Variants in SHANK2 observed in about 807,000 individuals in gnomAD.
SHANK2 encodes SH3 and multiple ankyrin repeat domains 2.
SHANK2 carries 43 observed loss-of-function variants against 133.7 expected under a neutral mutation model. The ratio of observed to expected loss-of-function variants is 0.32; its 90% CI spans 0.25 to 0.41. The LOEUF is 0.41. Among genes scored for constraint, SHANK2 ranks in the 10% least tolerant of loss-of-function variants. The pLI is 1.00. For missense variants in SHANK2, 1,994 were observed against 2,235.8 expected, an observed-to-expected ratio of 0.89 and a Z score of 2.18; for synonymous variants, 1,017 against 952.8, an observed-to-expected ratio of 1.07 and a Z score of -1.24.
chr11:70,910,916 G>A (rs192717785), intron 10 of SHANK2: 136 of 452,692 alleles, frequency 3.0e-4, no homozygotes, highest in East Asian at 2.2e-3. Flanking sequence ...GTGTGTGTGC[G>A]CGTGCATGTG....
intron 17 of SHANK2, among the ~76,000 whole-genome samples, chr11:70,504,426 C>T (rs1442339228): frequency 1.6e-5 from 2 of 128,932 alleles, no homozygotes; most frequent in African/African-American, 5.1e-5. Context: ...AGAGGTCCTC[C>T]AGGCAGGGCT....
chr11:70,714,969 CTTT>C (rs559854814), intron 14 of SHANK2, among the ~76,000 whole-genome samples: 1 of 142,742 alleles, frequency 7.0e-6, no homozygotes, highest in Admixed American at 7.1e-5. Flanking sequence ...CCACACTTGG[CTTT>C]TTTTTTTTTT....
At chr11:70,913,965 CG>C (rs1165378930) in intron 10 of SHANK2, among the ~76,000 whole-genome samples, 4 of 152,228 alleles carry the variant, frequency 2.6e-5, no homozygotes, top group Non-Finnish European at 5.9e-5. Context: ...AGGGTGTTCT[CG>C]TTAGAGCAGT....
chr11:71,161,603 T>C (rs1953019925), intron 2 of SHANK2, among the ~76,000 whole-genome samples: 1 of 152,190 alleles, frequency 6.6e-6, no homozygotes, highest in African/African-American at 2.4e-5. Flanking sequence ...TAATAACAAC[T>C]CTTTCAACCA....
chr11:70,786,861 C>T (rs1016163413), intron 14 of SHANK2, among the ~76,000 whole-genome samples: 2 of 152,168 alleles, frequency 1.3e-5, no homozygotes, highest in African/African-American at 2.4e-5. Context: ...CCATCACCAC[C>T]AGCATCATTG....
intron 3 of SHANK2, among the ~76,000 whole-genome samples, chr11:71,128,409 T>TCTTCTCC (rs1555103131): frequency 6.6e-6 from 1 of 151,904 alleles, no homozygotes; most frequent in Non-Finnish European, 1.5e-5. Flanking sequence ...AACCAGGCTG[T>TCTTCTCC]CTTCTCCCTT....
chr11:70,544,110 G>A (rs1420187524), intron 17 of SHANK2, among the ~76,000 whole-genome samples: 2 of 152,150 alleles, frequency 1.3e-5, no homozygotes, highest in African/African-American at 4.8e-5. Context: ...CAGAAGTCAG[G>A]AAACAGCCTA....
chr11:70,515,637 G>GAAAAAAAAAAGA (rs2059254488), intron 17 of SHANK2, among the ~76,000 whole-genome samples: 1 of 79,958 alleles, frequency 1.3e-5, no homozygotes, highest in Non-Finnish European at 2.2e-5. Flanking sequence ...CTCGTTCCTT[G>GAAAAAAAAAAGA]AAAAAAAAAA....
chr11:71,124,719 C>T (rs1186175386), intron 3 of SHANK2, among the ~76,000 whole-genome samples: 2 of 152,152 alleles, frequency 1.3e-5, no homozygotes, highest in Non-Finnish European at 2.9e-5. Context: ...TGATGTTCCT[C>T]TCTATACACA....
chr11:70,585,038 G>A (rs891359143), intron 17 of SHANK2, among the ~76,000 whole-genome samples: 1 of 152,242 alleles, frequency 6.6e-6, no homozygotes, highest in African/African-American at 2.4e-5. Flanking sequence ...CACCCCAGGG[G>A]CTTGGATGCA....
chr11:70,868,067 C>A (rs1471672057), intron 11 of SHANK2, among the ~76,000 whole-genome samples: 2 of 152,256 alleles, frequency 1.3e-5, no homozygotes, highest in Non-Finnish European at 2.9e-5. Flanking sequence ...ACCAAGGGCC[C>A]GGCGCTGGCA....
intron 8 of SHANK2, among the ~76,000 whole-genome samples, chr11:71,083,298 A>G (rs993727726): frequency 4.2e-4 from 64 of 152,226 alleles, no homozygotes; most frequent in Middle Eastern, 3.4e-3. Context: ...GATGACAATG[A>G]TGACAATGAG....
intron 8 of SHANK2, among the ~76,000 whole-genome samples, chr11:71,084,971 C>A (rs1181087277): frequency 5.3e-5 from 8 of 152,092 alleles, no homozygotes; most frequent in Non-Finnish European, 7.4e-5. Context: ...CACATTTGAC[C>A]ATTTTTACAA....
chr11:70,930,659 C>CTTTTTTTTTTTTTTTTTTTTT (rs367913415), intron 10 of SHANK2, among the ~76,000 whole-genome samples: 35 of 114,178 alleles, frequency 3.1e-4, no homozygotes, highest in Non-Finnish European at 4.8e-4. Flanking sequence ...ATTTCTTTGT[C>CTTTTTTTTTTTTTTTTTTTTT]TTTTTTTTTT....
At chr11:70,659,646 C>A (rs1465936991) in intron 17 of SHANK2, among the ~76,000 whole-genome samples, 182 bp downstream of exon 17, 1 of 152,206 alleles carries the variant, frequency 6.6e-6, no homozygotes, top group African/African-American at 2.4e-5. Context: ...CCAAGACAAG[C>A]CCAACACCAG....
intron 11 of SHANK2, among the ~76,000 whole-genome samples, chr11:70,861,591 A>G (rs1392250658): frequency 6.6e-6 from 1 of 152,146 alleles, no homozygotes; most frequent in Non-Finnish European, 1.5e-5. Flanking sequence ...GCAAACATCC[A>G]TGTCAGAGTT....
At chr11:70,721,212 T>C (rs1271603940) in intron 14 of SHANK2, among the ~76,000 whole-genome samples, 1 of 152,242 alleles carries the variant, frequency 6.6e-6, no homozygotes, top group Non-Finnish European at 1.5e-5. Context: ...CAAGCAGCTC[T>C]TGAGTTTCAT....
intron 2 of SHANK2, among the ~76,000 whole-genome samples, chr11:71,153,114 C>T (rs1435372543): frequency 1.4e-4 from 22 of 152,172 alleles, no homozygotes; most frequent in African/African-American, 5.3e-4. Context: ...GGGCTGAGTT[C>T]TCTAACCCCG....
At chr11:70,558,854 C>A (rs966273170) in intron 17 of SHANK2, among the ~76,000 whole-genome samples, 1 of 152,210 alleles carries the variant, frequency 6.6e-6, no homozygotes, top group Non-Finnish European at 1.5e-5. Flanking sequence ...AAGAAAACAG[C>A]AGCACAGCTG....
Sources: gnomAD v4.1 joint callset for allele counts (sites outside exome capture counted in the v4.1 genomes callset) on GRCh38, gnomAD v4.1.1 for gene constraint, MANE v1.5 for transcripts, NCBI Gene and HGNC (gene_info 2026-07-23, HGNC 2026-07-21) for gene names.